Variants in SERPINB6 observed in about 807,000 individuals in gnomAD.
The protein encoded by SERPINB6 is serpin B6.
A neutral mutation model predicts 26.1 loss-of-function variants in SERPINB6; 16 were observed. That is an observed-to-expected ratio of 0.61 (90% confidence interval 0.42 to 0.93). The LOEUF (loss-of-function observed/expected upper bound fraction) is 0.93. Among genes scored for constraint, SERPINB6 ranks in the 40% least tolerant of loss-of-function variants. The pLI is 0.00. For synonymous variants in SERPINB6, 174 were observed against 176.6 expected (o/e 0.99, Z 0.11); for missense variants, 420 against 478.0 (o/e 0.88, Z 1.13).
intron 1 of SERPINB6, chr6:2,968,360 A>T: frequency 2.5e-6 from 1 of 401,928 alleles, no homozygotes; most frequent in African/African-American, 2.2e-5. Context: ...TACTAGGCTT[A>T]GTACCTGGGG....
Position 2,950,527 on chromosome 6 carries a change from C to T in SERPINB6, c.574-1458G>A, listed in dbSNP as rs1361034032. On this transcript the variant is annotated intron_variant, in intron 5 of 6. Transcript: ENST00000380539. ...CAGCCTGGGAGACAGACCGAGACTCCATCTCAAAAAAAAAAAAAAAAAGGC... is the reference window on the plus strand; with the variant it reads ...CAGCCTGGGAGACAGACCGAGACTCTATCTCAAAAAAAAAAAAAAAAAGGC... Among the ~76,000 whole-genome samples, 13 of 90,592 alleles carry T rather than the reference C, an allele frequency of 1.4e-4. 1 individual carries two copies. In the South Asian group the frequency reaches 4.7e-3, roughly 33 times the overall value. The allele number at this position is 90,592 out of a possible 152,430, so 59.4% of individuals were successfully genotyped here.
At chr6:2,952,181 A>G (rs998276322) in intron 5 of SERPINB6, among the ~76,000 whole-genome samples, 1 of 152,240 alleles carries the variant, frequency 6.6e-6, no homozygotes, top group Non-Finnish European at 1.5e-5. Context: ...TGCCAGGGGA[A>G]AATAGCACAG....
chr6:2,958,672 C>G (rs139516704), intron 2 of SERPINB6, among the ~76,000 whole-genome samples: 14 of 152,318 alleles, frequency 9.2e-5, no homozygotes, highest in Admixed American at 2.6e-4. Flanking sequence ...AGAAGCACCA[C>G]TCAATCCACC....
intron 5 of SERPINB6, among the ~76,000 whole-genome samples, chr6:2,949,670 T>C (rs879425336): frequency 2.8e-4 from 43 of 152,206 alleles, no homozygotes; most frequent in Non-Finnish European, 4.9e-4. Context: ...CCCTGGAATA[T>C]TGTGATAATA....
At chr6:2,971,626 G>C (rs1018437309), upstream of SERPINB6, 1 of 152,156 alleles carries the variant, frequency 6.6e-6, no homozygotes, top group Non-Finnish European at 1.5e-5. Context: ...CGGAGTCCCG[G>C]GTCTCGAGCT....
intron 5 of SERPINB6, among the ~76,000 whole-genome samples, chr6:2,949,659 G>A (rs1027870357): frequency 5.9e-5 from 9 of 152,196 alleles, no homozygotes; most frequent in Non-Finnish European, 1.0e-4. Context: ...TACCAGCCTA[G>A]CCCTGGAATA....
chr6:2,959,892 C>G (rs943209725), intron 1 of SERPINB6: 5 of 183,588 alleles, frequency 2.7e-5, no homozygotes, highest in African/African-American at 9.6e-5. Flanking sequence ...TTTCAAATGC[C>G]TCCTGACCCT....
At chr6:2,970,669 T>C (rs1772057020) in intron 1 of SERPINB6, 1 of 1,209,588 alleles carries the variant, frequency 8.3e-7, no homozygotes, top group Non-Finnish European at 1.0e-6. Context: ...TGACAGCATG[T>C]GAACATTAAT....
At chr6:2,970,070 A>T (rs953823845) in intron 1 of SERPINB6, 2 of 985,034 alleles carry the variant, frequency 2.0e-6, no homozygotes, top group Non-Finnish European at 2.4e-6. Flanking sequence ...AAAAAAAAAA[A>T]AAAAAAATTT....
intron 5 of SERPINB6, among the ~76,000 whole-genome samples, chr6:2,952,360 CT>C (rs893669763): frequency 6.6e-6 from 1 of 152,156 alleles, no homozygotes; most frequent in African/African-American, 2.4e-5. Context: ...ATTCTGTTTA[CT>C]TTGTCTATGT....
intron 2 of SERPINB6, chr6:2,958,089 A>G (rs1770691978): frequency 6.6e-6 from 1 of 152,250 alleles, no homozygotes; most frequent in South Asian, 2.1e-4. Context: ...ATTTGCAGAG[A>G]GGGCCTTTAC....
chr6:2,955,054 G>A (rs1474135586), intron 3 of SERPINB6: 2 of 308,676 alleles, frequency 6.5e-6, no homozygotes, highest in Non-Finnish European at 1.2e-5. Context: ...GCCATGTATG[G>A]TGGCATGCAC....
At chr6:2,949,232 A>G (rs1433271788) in intron 5 of SERPINB6, among the ~76,000 whole-genome samples, 163 bp from the exon 6 acceptor site, 1 of 151,760 alleles carries the variant, frequency 6.6e-6, no homozygotes, top group African/African-American at 2.4e-5. Flanking sequence ...CATTACCTCA[A>G]CCTCCAGAAA....
chr6:2,955,065 C>T lies in SERPINB6; in HGVS notation c.313-356G>A, dbSNP rs894967368. 5 of 293,034 alleles carry T rather than the reference C, an allele frequency of 1.7e-5. No homozygotes were observed. The South Asian group carries it at 1.8e-4, about 10-fold the overall frequency. 18.2% of individuals were successfully genotyped at this position (293,034 alleles called of 1,614,324 possible). ...ATTAGCCATGTATGGTGGCATGCAC[C>T]TGTAATCCCAGCTACTTGGGAGGCT... On this transcript the variant is annotated intron_variant, in intron 3 of 6. Coordinates refer to ENST00000380539, the MANE Select transcript of SERPINB6 (RefSeq NM_004568.6).
intron 5 of SERPINB6, among the ~76,000 whole-genome samples, chr6:2,950,129 T>A (rs143483421): frequency 1.2e-3 from 184 of 152,310 alleles, no homozygotes; most frequent in Non-Finnish European, 2.3e-3. Flanking sequence ...TTTTCTTATT[T>A]ATGCTTGCTG....
In SERPINB6 at chr6:2,954,620, T is replaced by G. The variant is rs1445293782; in HGVS notation, c.402A>C (p.Ile134=). The change falls in exon 4 of 7, where the codon ATA becomes ATC. Residue 134 remains isoleucine, a synonymous_variant. Transcript: ENST00000380539. ...CTGTCTTTTCAGCTACCCAGGTGTT[T>G]ATGTGTTTTCTGGACTTCTCTACGG... ...ISAVEKSRKH[I]NTWVAEKTEG... is the part of the protein sequence containing the mutation. 1 of 1,613,960 alleles carries G rather than the reference T, an allele frequency of 6.2e-7. No homozygotes were observed. Among genetic ancestry groups the G allele is most frequent in the Non-Finnish European group, 8.5e-7 (1 of 1,179,874 alleles).
At chr6:2,962,175 G>T in intron 1 of SERPINB6, 2 of 985,484 alleles carry the variant, frequency 2.0e-6, no homozygotes, top group Non-Finnish European at 1.2e-6. Flanking sequence ...CTGAAGACAC[G>T]CCCACTGGGG....
chr6:2,968,112 T>C (rs1443164694), intron 1 of SERPINB6: 1 of 152,238 alleles, frequency 6.6e-6, no homozygotes, highest in Non-Finnish European at 1.5e-5. Context: ...TGGAATACTA[T>C]GCAACCATAA....
At chr6:2,970,677 A>C in intron 1 of SERPINB6, 1 of 1,218,052 alleles carries the variant, frequency 8.2e-7, no homozygotes, top group South Asian at 4.3e-5. Context: ...TGTGAACATT[A>C]ATTATTAATT....
Sources: gnomAD v4.1 joint callset for allele counts (sites outside exome capture counted in the v4.1 genomes callset) on GRCh38, gnomAD v4.1.1 for gene constraint, MANE v1.5 for transcripts, NCBI Gene and HGNC (gene_info 2026-07-23, HGNC 2026-07-21) for gene names.